EFCAB5: variants seen among roughly 807,000 people sequenced by gnomAD.
The protein encoded by EFCAB5 is EF-hand calcium binding domain 5, also known as EF-hand calcium-binding domain-containing protein 5.
EFCAB5 carries 131 observed loss-of-function variants against 167.9 expected under a neutral mutation model. That is an observed-to-expected ratio of 0.78 (90% CI 0.68 to 0.90). The LOEUF (loss-of-function observed/expected upper bound fraction) is 0.90, where lower values mean the gene tolerates loss of function less well. Ranked by LOEUF, EFCAB5 falls within the 40% of genes least tolerant of loss-of-function variation. EFCAB5 has a pLI of 0.00. For missense variants in EFCAB5, 1,663 were observed against 1,745.2 expected, an observed-to-expected ratio of 0.95 and a Z score of 0.84; for synonymous variants, 574 against 602.8, an observed-to-expected ratio of 0.95 and a Z score of 0.70.
chr17:30,069,482 C>T (rs944169940), intron 14 of EFCAB5: 39 of 1,591,258 alleles, frequency 2.5e-5, no homozygotes, highest in Non-Finnish European at 3.4e-6. Flanking sequence ...TGGCGTTCAC[C>T]AGTTAGTTGT....
At chr17:30,094,927 A>G (rs934972809) in intron 22 of EFCAB5, among the ~76,000 whole-genome samples, 3 of 152,088 alleles carry the variant, frequency 2.0e-5, no homozygotes, top group Non-Finnish European at 4.4e-5. Context: ...TCAATAGCCT[A>G]CTATTCTCTG....
chr17:30,034,473 T>A, intron 8 of EFCAB5, 88 bp downstream of exon 8: 1 of 1,474,460 alleles, frequency 6.8e-7, no homozygotes, highest in Non-Finnish European at 9.1e-7. Flanking sequence ...CTGAGGCTGG[T>A]GGATTACTTG....
chr17:30,102,356 T>C (rs147962717), intron 22 of EFCAB5, among the ~76,000 whole-genome samples: 1 of 152,206 alleles, frequency 6.6e-6, no homozygotes, highest in East Asian at 1.9e-4. Flanking sequence ...ATTGGTTTTA[T>C]GTCTTCTTTT....
chr17:30,053,122 C>T (rs1821660349), intron 9 of EFCAB5, 133 bp from the exon 10 acceptor site: 2 of 1,023,360 alleles, frequency 2.0e-6, no homozygotes, highest in African/African-American at 1.6e-5. Flanking sequence ...CCAAAGATAA[C>T]TGATATTTAT....
chr17:29,968,763 C>T (rs2067885651), intron 3 of EFCAB5, 28 bp from the exon 4 acceptor site: 7 of 1,432,526 alleles, frequency 4.9e-6, no homozygotes, highest in Non-Finnish European at 6.4e-6. Flanking sequence ...TCTAACATTT[C>T]TTACATTTCA....
At chr17:30,090,096 A>C (rs746997331) in intron 19 of EFCAB5, among the ~76,000 whole-genome samples, 54 of 152,210 alleles carry the variant, frequency 3.5e-4, no homozygotes, top group Non-Finnish European at 6.9e-4. Context: ...CATAATGGAC[A>C]ATAGGTAAAC....
Position 30,092,197 on chromosome 17 carries a change from T to C in EFCAB5, c.4224+40T>C, listed in dbSNP as rs1202517315. ...AAAAAGCACCTTTTAAATTGAAGAA[T>C]CGCCTAAACAAATTTAACTGTACAA... On this transcript the variant is annotated intron_variant, in intron 21 of 22. Transcript: ENST00000394835. The C allele has an allele frequency of 1.9e-6, 3 of 1,561,330 alleles. No individual in the cohort carries two copies. In the Admixed American group the frequency reaches 5.7e-5, roughly 30 times the overall value.
rs760783180 is a variant in EFCAB5, at chr17:30,051,160, T to C, written c.1243T>C (p.Leu415=). 11 of 1,613,902 alleles carry C rather than the reference T, an allele frequency of 6.8e-6. No individual in the cohort carries two copies. Among genetic ancestry groups the C allele is most frequent in the Non-Finnish European group, 9.3e-6 (11 of 1,179,904 alleles). ...GCAGAGGACATTGGCCCTGCTGGAATTGTTCTATGACCATAGTTCACAAAT... is the reference window on the plus strand; with the variant it reads ...GCAGAGGACATTGGCCCTGCTGGAACTGTTCTATGACCATAGTTCACAAAT... ...DRQRTLALLE[L]FYDHSSQMLR... Residue 415 remains leucine (L), a synonymous_variant, in exon 9 of 23, where the codon TTG becomes CTG. Transcript: ENST00000394835.
At chr17:30,034,135 C>G in intron 7 of EFCAB5, 95 bp from the exon 8 acceptor site, 1 of 1,394,060 alleles carries the variant, frequency 7.2e-7, no homozygotes, top group East Asian at 2.3e-5. Context: ...ATTTTACAGC[C>G]AATGTATTTC....
rs1479746731 is a variant in EFCAB5 at position 30,092,923 on chromosome 17, T to G, written c.4308T>G (p.Asp1436Glu). The G allele has an allele frequency of 8.1e-6, 13 of 1,606,390 alleles. No individual in the cohort carries two copies. Among genetic ancestry groups the G allele is most frequent in the Non-Finnish European group, 1.1e-5 (13 of 1,176,462 alleles). ...KHVEVNVQLI[D>E]EYIRDHSRTE... Reference sequence around the variant, plus strand: ...TGGAAGTTAATGTACAGCTTATTGATGAATATATCAGAGGTAAATTTCCAC... The same window carrying G: ...TGGAAGTTAATGTACAGCTTATTGAGGAATATATCAGAGGTAAATTTCCAC... The change falls in exon 22 of 23, where the codon GAT becomes GAG. Residue 1436 changes from aspartate to glutamate, a missense_variant. By Grantham distance (45) the Asp-to-Glu change is conservative. Transcript: ENST00000394835.
At chr17:30,056,404 C>T (rs2070269182) in intron 12 of EFCAB5, among the ~76,000 whole-genome samples, 1 of 152,092 alleles carries the variant, frequency 6.6e-6, no homozygotes, top group African/African-American at 2.4e-5. Flanking sequence ...GGCATTAGTA[C>T]CCATTTTTTA....
At chr17:29,995,695 G>A (rs1294210435) in intron 5 of EFCAB5, among the ~76,000 whole-genome samples, 1 of 152,164 alleles carries the variant, frequency 6.6e-6, no homozygotes, top group Non-Finnish European at 1.5e-5. Flanking sequence ...TCTATGTGTT[G>A]GCTATTGCTT....
chr17:29,969,020 G>T lies in EFCAB5; in HGVS notation c.420G>T (p.Lys140Asn), dbSNP rs759643333. ...QQKIIDKENL[K>N]KELEKKAEKK... ...AAATAATAGATAAGGAAAATCTGAA[G>T]AAGGAACTAGAAAAAAAGGCTGAAA... Residue 140 changes from lysine (K) to asparagine (N), a missense_variant, in exon 4 of 23, where the codon AAG (lysine) becomes AAT (asparagine). Lys to Asn is a moderately conservative substitution (Grantham distance 94). Transcript: ENST00000394835. The T allele has an allele frequency of 3.1e-6, 5 of 1,592,984 alleles. No individual in the cohort carries two copies. Among genetic ancestry groups the T allele is most frequent in the Non-Finnish European group, 4.3e-6 (5 of 1,171,242 alleles).
At position 29,943,621 on chromosome 17, in the gene EFCAB5, G is replaced by A. The variant is rs138327377; in HGVS notation, c.162G>A (p.Glu54=). ...PVKEDTNSVV[E]KAMDEIKSQE... ...AAGAGGACACCAACAGTGTGGTGGA[G>A]AAAGCAATGGATGAAATCAAATCCC... is the stretch of plus-strand genomic sequence containing the variant. Residue 54 remains glutamate, a synonymous_variant, in exon 3 of 23, where the codon GAG becomes GAA. Transcript: ENST00000394835. 1,241 of 1,583,422 alleles carry A rather than the reference G, an allele frequency of 7.8e-4. 10 individuals carry two copies. In the African/African-American group the frequency reaches 0.015, roughly 19 times the overall value.
intron 3 of EFCAB5, among the ~76,000 whole-genome samples, chr17:29,968,020 G>A (rs2067868894): frequency 6.6e-6 from 1 of 151,702 alleles, no homozygotes; most frequent in South Asian, 2.1e-4. Context: ...GACCACAGGT[G>A]TACGCCACCA....
chr17:29,988,392 A>T (rs531353131), intron 4 of EFCAB5, among the ~76,000 whole-genome samples: 1 of 152,350 alleles, frequency 6.6e-6, no homozygotes, highest in South Asian at 2.1e-4. Flanking sequence ...GGCATATTAA[A>T]AGCAGTCAAT....
chr17:30,043,695 C>T (rs1343625477), intron 8 of EFCAB5, among the ~76,000 whole-genome samples: 4 of 152,124 alleles, frequency 2.6e-5, no homozygotes, highest in African/African-American at 7.2e-5. Flanking sequence ...AGGCTGAAAA[C>T]TATGAAATTT....
chr17:29,935,703 A>C (rs1272565390), intron 1 of EFCAB5, among the ~76,000 whole-genome samples: 1 of 101,196 alleles, frequency 9.9e-6, no homozygotes, highest in East Asian at 3.2e-4. Context: ...TCCCACCTTA[A>C]GGGCTAGAAA....
chr17:30,017,588 T>C (rs1450142288), intron 7 of EFCAB5, among the ~76,000 whole-genome samples: 2 of 152,168 alleles, frequency 1.3e-5, no homozygotes, highest in Non-Finnish European at 2.9e-5. Context: ...AAATTAAACA[T>C]ACCTTCACAA....
Sources: allele counts gnomAD v4.1 joint callset (sites outside exome capture counted in the v4.1 genomes callset), GRCh38; gene constraint gnomAD v4.1.1; transcripts MANE v1.5; gene names NCBI Gene and HGNC (gene_info 2026-07-23, HGNC 2026-07-21).